Variants in SRGAP1 observed in about 807,000 individuals in gnomAD.
SRGAP1 encodes SLIT-ROBO Rho GTPase-activating protein 1.
SRGAP1 carries 43 observed loss-of-function variants against 121.9 expected under a neutral mutation model. That is an observed-to-expected ratio of 0.35 (90% CI 0.28 to 0.46). SRGAP1 has a LOEUF of 0.46. Among genes scored for constraint, SRGAP1 ranks in the 20% least tolerant of loss-of-function variants. The pLI is 1.00. For synonymous variants in SRGAP1, 447 were observed against 485.4 expected (o/e 0.92, Z 1.04); for missense variants, 1,102 against 1,350.9 (o/e 0.82, Z 2.89).
At chr12:64,043,753 C>A in intron 6 of SRGAP1, 178 bp downstream of exon 6, 1 of 467,562 alleles carries the variant, frequency 2.1e-6, no homozygotes, top group Non-Finnish European at 3.7e-6. Context: ...CTGTAAGATG[C>A]ATGTGAAAAA....
rs1289101775 is a variant in SRGAP1, at chr12:63,980,596, C to CT, written c.68-3336dup. Among the ~76,000 whole-genome samples, 796 of 136,292 alleles carry CT rather than the reference C, an allele frequency of 5.8e-3. 5 individuals are homozygous for CT. The highest frequency in any genetic ancestry group is 0.019 in the South Asian group (78 of 4,204). The allele number at this position is 136,292 out of a possible 152,430, so 89.4% of individuals were successfully genotyped here. On this transcript the variant is annotated intron_variant, in intron 1 of 21. Transcript: ENST00000355086. ...ATTTTCTCTTCCTAACGAGATGTTT[C>CT]TTTTTTTTTTTTTTTGAGATGGAGT...
chr12:64,050,389 G>A (rs1565657113), intron 6 of SRGAP1, among the ~76,000 whole-genome samples: 2 of 151,926 alleles, frequency 1.3e-5, no homozygotes, highest in Non-Finnish European at 2.9e-5. Context: ...CACTATCTAG[G>A]ACTTCCAGTG....
chr12:64,119,628 T>G (rs1457007386), intron 18 of SRGAP1, among the ~76,000 whole-genome samples: 1 of 152,142 alleles, frequency 6.6e-6, no homozygotes, highest in African/African-American at 2.4e-5. Context: ...CTTTTTACTT[T>G]TTAATATAAA....
rs1015476814 is a variant in SRGAP1 at position 64,157,209 on chromosome 12, A to G, written c.*14537A>G. 6.6e-6 allele frequency: 1 copy of G among 152,250 alleles called. No individual in the cohort carries two copies. Among genetic ancestry groups the G allele is most frequent in the South Asian group, 2.1e-4 (1 of 4,834 alleles). 9.4% of individuals were successfully genotyped at this position (152,250 alleles called of 1,614,324 possible). A position where few individuals can be genotyped will look rare whatever the true frequency, so the allele number is the denominator to read the frequency against. On this transcript the variant is annotated 3_prime_UTR_variant, in exon 22 of 22. Coordinates refer to ENST00000355086, the MANE Select transcript of SRGAP1 (RefSeq NM_020762.4). ...GAACAAATAACTCATGAGGGTTACC[A>G]TATGTCTGACACTGTAGGAAGAGCT...
intron 1 of SRGAP1, among the ~76,000 whole-genome samples, chr12:63,926,612 T>G (rs2031271632): frequency 1.3e-5 from 2 of 152,230 alleles, no homozygotes; most frequent in Admixed American, 1.3e-4. Flanking sequence ...TACAATGTGA[T>G]GTTTTGATAT....
At chr12:63,864,054 T>C (rs1222385108) in intron 1 of SRGAP1, among the ~76,000 whole-genome samples, 1 of 152,230 alleles carries the variant, frequency 6.6e-6, no homozygotes, top group African/African-American at 2.4e-5. Context: ...CAGTTTACTA[T>C]GTCCAGAGAA....
intron 6 of SRGAP1, among the ~76,000 whole-genome samples, chr12:64,049,901 T>C (rs961709531): frequency 2.0e-5 from 3 of 152,198 alleles, no homozygotes; most frequent in African/African-American, 7.2e-5. Context: ...GTATAAACTT[T>C]AGGATTATTT....
At chr12:63,944,478 C>T (rs2031977294) in intron 1 of SRGAP1, among the ~76,000 whole-genome samples, 1 of 152,150 alleles carries the variant, frequency 6.6e-6, no homozygotes, top group Admixed American at 6.5e-5. Flanking sequence ...ACCAAAGGCC[C>T]AACCTCCAAA....
chr12:64,012,551 CTTTTTTTTTTTT>C (rs386376760), intron 3 of SRGAP1, among the ~76,000 whole-genome samples: 2 of 77,662 alleles, frequency 2.6e-5, no homozygotes, highest in African/African-American at 1.2e-4. Context: ...AAGTTATTAT[CTTTTTTTTTTTT>C]TTTTTTTTTT....
intron 6 of SRGAP1, among the ~76,000 whole-genome samples, chr12:64,054,917 G>A (rs1312399606): frequency 1.6e-5 from 2 of 124,486 alleles, no homozygotes; most frequent in African/African-American, 3.2e-5. Context: ...TCCCCAGAGT[G>A]TGATATTCCC....
chr12:64,086,741 A>C (rs937134504), intron 10 of SRGAP1, among the ~76,000 whole-genome samples: 12 of 148,844 alleles, frequency 8.1e-5, no homozygotes, highest in Admixed American at 1.3e-4. Context: ...AAAAAAAAAA[A>C]ACACAGCCTC....
intron 17 of SRGAP1, 54 bp from the exon 18 acceptor site, chr12:64,115,760 C>G: frequency 2.0e-6 from 3 of 1,486,536 alleles, no homozygotes; most frequent in South Asian, 1.2e-5. Flanking sequence ...GAACCTGTCT[C>G]AAAAAATTTT....
At chr12:64,039,948 C>CATAA (rs1555168626) in intron 4 of SRGAP1, among the ~76,000 whole-genome samples, 2 of 151,926 alleles carry the variant, frequency 1.3e-5, no homozygotes, top group East Asian at 1.9e-4. Flanking sequence ...TTTCCAATTA[C>CATAA]ACACGGCTCA....
chr12:63,844,832 C>G lies in SRGAP1; in HGVS notation c.16C>G (p.Arg6Gly). The G allele has an allele frequency of 6.2e-7, 1 of 1,614,172 alleles. No individual in the cohort carries two copies. The highest frequency in any genetic ancestry group is 8.5e-7 in the Non-Finnish European group (1 of 1,180,042). Residue 6 changes from arginine (R) to glycine (G), a missense_variant, in exon 1 of 22, where the codon CGA (arginine) becomes GGA (glycine). This residue lies in a region of SRGAP1 where 747 missense variants were observed against 929.4 expected (regional missense o/e 0.80). Transcript: ENST00000355086. This position sits in a 1 kb window ranked among gnomAD's most constrained non-coding sequence, Gnocchi z 4.3. Reference sequence around the variant, plus strand: ...CAGCTGGATAATGTCCACCCCGAGCCGATTCAAGAAGGACAAAGAGATCAT... The same window carrying G: ...CAGCTGGATAATGTCCACCCCGAGCGGATTCAAGAAGGACAAAGAGATCAT... MSTPS[R>G]FKKDKEIIAE...
intron 1 of SRGAP1, among the ~76,000 whole-genome samples, chr12:63,868,056 A>ATATATTTTTTTTTTTTTTTTTTTGT (rs1565927621): frequency 1.7e-5 from 1 of 57,844 alleles, no homozygotes; most frequent in Non-Finnish European, 3.2e-5. Flanking sequence ...ATATATATAT[A>ATATATTTTTTTTTTTTTTTTTTTGT]TTTTTTTTTT....
chr12:63,949,553 G>A lies in SRGAP1; in HGVS notation c.68-34394G>A, dbSNP rs148784432. Among the ~76,000 whole-genome samples the A allele has an allele frequency of 9.4e-3, 1,420 of 151,470 alleles. 7 individuals carry two copies. The highest frequency in any genetic ancestry group is 0.044 in the South Asian group (209 of 4,792). On this transcript the variant is annotated intron_variant, in intron 1 of 21. Coordinates refer to ENST00000355086, the MANE Select transcript of SRGAP1 (RefSeq NM_020762.4). ...CGCCATTCTCCTGCCTCAGCCTCCCGAGTAGCTGGGACTACAGGCGCCTGC... is the reference window on the plus strand; with the variant it reads ...CGCCATTCTCCTGCCTCAGCCTCCCAAGTAGCTGGGACTACAGGCGCCTGC...
intron 6 of SRGAP1, 32 bp downstream of exon 6, chr12:64,043,607 T>G: frequency 6.5e-7 from 1 of 1,528,682 alleles, no homozygotes; most frequent in South Asian, 1.2e-5. Flanking sequence ...CTTTTCCATA[T>G]TAAAATGAAA....
intron 3 of SRGAP1, among the ~76,000 whole-genome samples, chr12:64,016,607 A>G (rs987858417): frequency 6.6e-6 from 1 of 152,210 alleles, no homozygotes; most frequent in African/African-American, 2.4e-5. Context: ...CACACTGTAA[A>G]ATGTCATGAT....
chr12:64,080,610 G>C (rs755156147), intron 10 of SRGAP1: 1 of 572,328 alleles, frequency 1.7e-6, no homozygotes, highest in Non-Finnish European at 3.2e-6. Context: ...AGTCAATACC[G>C]AGCTCCTAGG....
Sources: allele counts gnomAD v4.1 joint callset (sites outside exome capture counted in the v4.1 genomes callset), GRCh38; gene constraint gnomAD v4.1.1; regional missense constraint gnomAD v4.1.1; non-coding constraint Gnocchi (gnomAD v3.1); transcripts MANE v1.5; gene names NCBI Gene and HGNC (gene_info 2026-07-23, HGNC 2026-07-21).